Variants in USP48 observed in about 807,000 individuals in gnomAD.
USP48 encodes ubiquitin specific peptidase 48.
In USP48, 43 loss-of-function variants were observed where a neutral mutation model predicts 150.7. The observed-to-expected ratio is 0.29, with a 90% CI of 0.22 to 0.37. USP48 has a LOEUF of 0.37. Among genes scored for constraint, USP48 ranks in the 10% least tolerant of loss-of-function variants. The pLI is 1.00. For synonymous variants in USP48, 396 were observed against 425.9 expected, an observed-to-expected ratio of 0.93 and a Z score of 0.86; for missense variants, 813 against 1,249.6, an observed-to-expected ratio of 0.65 and a Z score of 5.27.
intron 9 of USP48, among the ~76,000 whole-genome samples, chr1:21,735,972 G>A (rs888412653): frequency 6.6e-6 from 1 of 152,132 alleles, no homozygotes; most frequent in African/African-American, 2.4e-5. Context: ...CTACTCAGGA[G>A]GCTGAGGCAC....
chr1:21,772,626 A>AT (rs2097884639), intron 1 of USP48, among the ~76,000 whole-genome samples: 1 of 151,600 alleles, frequency 6.6e-6, no homozygotes, highest in African/African-American at 2.4e-5. Flanking sequence ...CCATCTCAAA[A>AT]AAAAAAAAAA....
chr1:21,735,217 T>C (rs886563001), intron 9 of USP48, among the ~76,000 whole-genome samples: 2 of 152,234 alleles, frequency 1.3e-5, no homozygotes, highest in East Asian at 1.9e-4. Context: ...ACTGATCATT[T>C]GCCTTCAAGC....
intron 9 of USP48, among the ~76,000 whole-genome samples, chr1:21,735,883 C>CA (rs1553134493): frequency 9.1e-5 from 5 of 55,064 alleles, no homozygotes; most frequent in Non-Finnish European, 2.0e-4. Flanking sequence ...GCAACAAGAG[C>CA]GGAAAAAAAA....
chr1:21,745,942 C>G (rs988951637), intron 8 of USP48, among the ~76,000 whole-genome samples: 1 of 152,180 alleles, frequency 6.6e-6, no homozygotes, highest in African/African-American at 2.4e-5. Context: ...AAGTTGAAAA[C>G]AGTTTCCTTG....
intron 15 of USP48, among the ~76,000 whole-genome samples, chr1:21,708,606 G>A (rs890270754): frequency 2.0e-5 from 3 of 151,690 alleles, no homozygotes; most frequent in Admixed American, 6.6e-5. Flanking sequence ...AAAACAGGCC[G>A]GGGGCAGTGG....
At chr1:21,740,926 G>A (rs541127958) in intron 8 of USP48, among the ~76,000 whole-genome samples, 31 of 152,284 alleles carry the variant, frequency 2.0e-4, no homozygotes, top group Middle Eastern at 3.4e-3. Context: ...AACAGAGAAC[G>A]AATAAAGTAC....
chr1:21,730,586 C>T (rs923104208), intron 9 of USP48, among the ~76,000 whole-genome samples: 2 of 149,846 alleles, frequency 1.3e-5, no homozygotes, highest in African/African-American at 4.9e-5. Context: ...CCCAGCTATT[C>T]GGGAGCCTGA....
chr1:21,761,557 A>C (rs546484123), intron 1 of USP48, among the ~76,000 whole-genome samples: 1 of 152,348 alleles, frequency 6.6e-6, no homozygotes, highest in East Asian at 1.9e-4. Context: ...TAAGTAAATA[A>C]TTGTTTTAAT....
chr1:21,743,006 G>A (rs2097785743), intron 8 of USP48, among the ~76,000 whole-genome samples: 1 of 151,936 alleles, frequency 6.6e-6, no homozygotes, highest in Admixed American at 6.6e-5. Flanking sequence ...CGTTTAAAGT[G>A]GTTTAAAAAT....
intron 14 of USP48, among the ~76,000 whole-genome samples, chr1:21,716,994 C>T (rs1486272016): frequency 5.3e-5 from 8 of 151,852 alleles, no homozygotes; most frequent in East Asian, 1.9e-4. Flanking sequence ...CGCCACTGCA[C>T]GACAGAGCGA....
intron 23 of USP48, among the ~76,000 whole-genome samples, chr1:21,692,566 T>C (rs1327339752): frequency 6.6e-6 from 1 of 152,232 alleles, no homozygotes; most frequent in African/African-American, 2.4e-5. Flanking sequence ...ACACATTATA[T>C]TCTGAGAACG....
chr1:21,680,882 G>C, intron 25 of USP48, 48 bp from the exon 26 acceptor site: 1 of 1,456,558 alleles, frequency 6.9e-7, no homozygotes. Context: ...AGATTGTCGT[G>C]ACAGACAGTA....
chr1:21,750,112 C>G (rs555794541), intron 6 of USP48, among the ~76,000 whole-genome samples: 33 of 152,302 alleles, frequency 2.2e-4, no homozygotes, highest in African/African-American at 7.7e-4. Flanking sequence ...CAACCTCACA[C>G]AGAGTAAAAG....
At chr1:21,711,868 G>A (rs1446305531) in intron 15 of USP48, among the ~76,000 whole-genome samples, 5 of 152,304 alleles carry the variant, frequency 3.3e-5, no homozygotes, top group South Asian at 4.1e-4. Context: ...TGAATGGTAC[G>A]TCCAGAGCAC....
intron 22 of USP48, among the ~76,000 whole-genome samples, chr1:21,696,924 C>T (rs567270929): frequency 6.7e-5 from 10 of 149,966 alleles, no homozygotes; most frequent in Non-Finnish European, 1.2e-4. Context: ...GAGTGAGAGG[C>T]GCAGGGGAGA....
chr1:21,689,327 C>CG (rs1333130625), intron 24 of USP48, among the ~76,000 whole-genome samples: 3 of 67,862 alleles, frequency 4.4e-5, no homozygotes, highest in Non-Finnish European at 8.5e-5. Context: ...AAAAAAAAAG[C>CG]GGGGGGCGGG....
intron 25 of USP48, chr1:21,686,613 G>C (rs1321963215): frequency 1.3e-5 from 2 of 152,386 alleles, no homozygotes; most frequent in African/African-American, 4.8e-5. Flanking sequence ...CCACCTGGGG[G>C]AGGGTAAGTA....
chr1:21,721,984 T>C (rs2097722137), intron 12 of USP48, among the ~76,000 whole-genome samples: 1 of 152,024 alleles, frequency 6.6e-6, no homozygotes, highest in Non-Finnish European at 1.5e-5. Flanking sequence ...AGAGACAAAA[T>C]GTTGTATTAC....
chr1:21,751,300 A>C (rs1049173431), intron 6 of USP48, among the ~76,000 whole-genome samples: 2 of 152,188 alleles, frequency 1.3e-5, no homozygotes, highest in Non-Finnish European at 2.9e-5. Context: ...TTTACATATA[A>C]AATAACTTGA....
Sources: gnomAD v4.1 joint callset for allele counts (sites outside exome capture counted in the v4.1 genomes callset) on GRCh38, gnomAD v4.1.1 for gene constraint, MANE v1.5 for transcripts, NCBI Gene and HGNC (gene_info 2026-07-23, HGNC 2026-07-21) for gene names.